The following KRTCAP3 variants were observed in gnomAD, a reference collection of about 807,000 sequenced individuals.
KRTCAP3 encodes the protein keratinocyte associated protein 3, also known as keratinocyte-associated protein 3.
A neutral mutation model predicts 20.5 loss-of-function variants in KRTCAP3; 18 were observed. That is an observed-to-expected ratio of 0.88 (90% CI 0.61 to 1.31). KRTCAP3 has a LOEUF of 1.31. KRTCAP3 is among the 50% of genes most tolerant of loss of function. The pLI, the probability that KRTCAP3 is intolerant of heterozygous loss-of-function variation, is 0.00. For missense variants in KRTCAP3, 347 were observed against 310.4 expected, an observed-to-expected ratio of 1.12 and a Z score of -0.89; for synonymous variants, 167 against 133.7, an observed-to-expected ratio of 1.25 and a Z score of -1.72.
At position 27,443,544 on chromosome 2, in the gene KRTCAP3, A is replaced by G. The variant is rs1339382029; in HGVS notation, c.615+12A>G. 2 of 1,613,792 alleles carry G rather than the reference A, an allele frequency of 1.2e-6. No individual in the cohort carries two copies. The highest frequency in any genetic ancestry group is 2.2e-5 in the East Asian group (1 of 44,880). ...GACTTCAGGGGCAGGTAAGGAAGGC[A>G]AACAGGAAGGGTTCATTCCACAGAG... On this transcript the variant is annotated intron_variant, in intron 5 of 6. Transcript: ENST00000288873.
chr2:27,445,622 T>C (rs1665006312), downstream of KRTCAP3: 8 of 1,358,882 alleles, frequency 5.9e-6, no homozygotes, highest in East Asian at 1.9e-4. This position sits in a 1 kb window ranked among gnomAD's most constrained non-coding sequence, Gnocchi z 4.4. Context: ...ATTTTGCTTC[T>C]ACTTTCACTG....
rs763168947 is a variant in KRTCAP3, at chr2:27,442,584, G to C, written c.34G>C (p.Ala12Pro). The C allele has an allele frequency of 1.3e-6, 2 of 1,527,088 alleles. No homozygotes were observed. Among genetic ancestry groups the C allele is most frequent in the African/African-American group, 2.8e-5 (2 of 72,304 alleles). 94.6% of individuals were successfully genotyped at this position (1,527,088 alleles called of 1,614,324 possible). A position where few individuals can be genotyped will look rare whatever the true frequency, so the allele number is the denominator to read the frequency against. The change falls in exon 2 of 7, where the codon GCC becomes CCC. Residue 12 changes from alanine (A) to proline (P), a missense_variant. Transcript: ENST00000288873. ...RRCSLCAFDA[A>P]RGPRRLMRVG... ...CCCTCCCCCGTGCTTTGCAGACGCCGCCCGGGGGCCCAGGCGGCTGATGCG... is the reference window on the plus strand; with the variant it reads ...CCCTCCCCCGTGCTTTGCAGACGCCCCCCGGGGGCCCAGGCGGCTGATGCG...
downstream of KRTCAP3, chr2:27,444,880 C>G: frequency 4.4e-6 from 4 of 916,562 alleles, no homozygotes; most frequent in Non-Finnish European, 6.5e-6. Context: ...AACTCCTGAC[C>G]TCAGGTGATC....
rs754798423 is a variant in KRTCAP3, at chr2:27,443,955, G to GAAAT, written c.623_626dup (p.Met209IlefsTer6). The GAAAT allele has an allele frequency of 7.6e-6, 12 of 1,580,720 alleles. 1 individual carries two copies. Among genetic ancestry groups the GAAAT allele is most frequent in the South Asian group, 1.1e-5 (1 of 90,440 alleles). Reference sequence around the variant, plus strand: ...ACTCTATCTTCTTCTGCAGCTAGAGGAAATGACAGAGCTTGAATCTCCTAA... The same window carrying GAAAT: ...ACTCTATCTTCTTCTGCAGCTAGAGGAAATAAATGACAGAGCTTGAATCTCCTAA... On this transcript the variant is annotated frameshift_variant, in exon 6 of 7. Coordinates refer to ENST00000288873, the MANE Select transcript of KRTCAP3 (RefSeq NM_173853.4). LOFTEE classifies it high-confidence loss of function.
At chr2:27,444,495 G>C, downstream of KRTCAP3, 1 of 1,613,624 alleles carries the variant, frequency 6.2e-7, no homozygotes, top group South Asian at 1.1e-5. Flanking sequence ...ATTTCAGCAC[G>C]TCCTGGCACA....
Position 27,442,657 on chromosome 2 carries a change from G to C in KRTCAP3, c.107G>C (p.Gly36Ala), listed in dbSNP as rs779840704. The change falls in exon 2 of 7, where the codon GGG becomes GCG. Residue 36 changes from glycine to alanine, a missense_variant. Transcript: ENST00000288873. The part of the protein sequence containing the change: ...ILVGHVNLLL[G>A]AVLHGTVLRH... Reference sequence around the variant, plus strand: ...GTGGGCCACGTGAACCTGCTGCTGGGGGCCGTGCTGCATGGCACCGTCCTG... The same window carrying C: ...GTGGGCCACGTGAACCTGCTGCTGGCGGCCGTGCTGCATGGCACCGTCCTG... 1.9e-6 allele frequency: 3 copies of C among 1,582,752 alleles called. No individual in the cohort carries two copies. Among genetic ancestry groups the C allele is most frequent in the Non-Finnish European group, 2.6e-6 (3 of 1,164,512 alleles).
At chr2:27,443,349 G>A (rs750192861) in intron 4 of KRTCAP3, 49 bp from the exon 5 acceptor site, 1 of 1,613,692 alleles carries the variant, frequency 6.2e-7, no homozygotes, top group South Asian at 1.1e-5. Context: ...TCCCCTATTT[G>A]CTGCACTTGC....
In KRTCAP3 at chr2:27,443,550, G is replaced by C. The variant is rs1664752400; in HGVS notation, c.615+18G>C. ...AGGGGCAGGTAAGGAAGGCAAACAG[G>C]AAGGGTTCATTCCACAGAGACTGGC... On this transcript the variant is annotated intron_variant, in intron 5 of 6. Transcript: ENST00000288873. 1 of 1,613,596 alleles carries C rather than the reference G, an allele frequency of 6.2e-7. No individual in the cohort carries two copies. Among genetic ancestry groups the C allele is most frequent in the African/African-American group, 1.3e-5 (1 of 74,910 alleles).
At chr2:27,444,668 G>A (rs986806380), downstream of KRTCAP3, 1 of 603,750 alleles carries the variant, frequency 1.7e-6, no homozygotes, top group East Asian at 2.8e-5. Flanking sequence ...TTTGTTTTGA[G>A]ACAAAGTCTT....
At chr2:27,445,410 CTG>C (rs764258735), downstream of KRTCAP3, 4 of 1,612,412 alleles carry the variant, frequency 2.5e-6, no homozygotes, top group Non-Finnish European at 3.4e-6. The surrounding 1 kb of genome is among the most constrained non-coding windows in gnomAD (Gnocchi z 4.4). Flanking sequence ...TCCATGGAGA[CTG>C]TAAGCACCCA....
downstream of KRTCAP3, chr2:27,445,153 G>A: frequency 6.2e-7 from 1 of 1,609,658 alleles, no homozygotes; most frequent in Non-Finnish European, 8.5e-7. The surrounding 1 kb of genome is among the most constrained non-coding windows in gnomAD (Gnocchi z 4.4). Flanking sequence ...AGAGATTGAG[G>A]AGGGAAAAAT....
At chr2:27,445,342 T>G (rs759639938), downstream of KRTCAP3, 1 of 1,613,288 alleles carries the variant, frequency 6.2e-7, no homozygotes, top group Non-Finnish European at 8.5e-7. This position sits in a 1 kb window ranked among gnomAD's most constrained non-coding sequence, Gnocchi z 4.4. Context: ...TCGCTGCCAC[T>G]AGGGAGGCCT....
chr2:27,446,466 T>C, downstream of KRTCAP3: 1 of 888,070 alleles, frequency 1.1e-6, no homozygotes, highest in Non-Finnish European at 1.8e-6. Flanking sequence ...ATTATTAAAC[T>C]GCTCTGGATT....
Position 27,442,705 on chromosome 2 carries a change from G to A in KRTCAP3, c.155G>A (p.Gly52Asp), listed in dbSNP as rs1664684880. 2 of 1,593,706 alleles carry A rather than the reference G, an allele frequency of 1.3e-6. No individual in the cohort carries two copies. The highest frequency in any genetic ancestry group is 1.7e-6 in the Non-Finnish European group (2 of 1,169,174). ...TVLRHVANPR[G>D]AVTPEYTVAN... The stretch of plus-strand genomic sequence containing the variant: ...CTGCGGCACGTGGCCAATCCCCGCG[G>A]CGCTGTCACGCCGGAGTACACCGTA... Residue 52 changes from glycine (G) to aspartate (D), a missense_variant, in exon 2 of 7, where the codon GGC becomes GAC. Physicochemically the swap from Gly to Asp is moderately conservative, Grantham distance 94. Coordinates refer to ENST00000288873, the MANE Select transcript of KRTCAP3 (RefSeq NM_173853.4).
At position 27,443,155 on chromosome 2, in the gene KRTCAP3, C is replaced by G; in HGVS notation, c.355C>G (p.Leu119Val). The change falls in exon 4 of 7, where the codon CTC becomes GTC. Residue 119 changes from leucine (L) to valine (V), a missense_variant. By Grantham distance (32) the Leu-to-Val change is conservative (BLOSUM62 1). Coordinates refer to ENST00000288873, the MANE Select transcript of KRTCAP3 (RefSeq NM_173853.4). ...CCTGGGCCTCCTTCTTGCTGTGTCA[C>G]TCACTGTGGCCAACGGTGGCCGCCG... is the stretch of plus-strand genomic sequence containing the variant. ...CSLGLLLAVS[L>V]TVANGGRRLI... is the part of the protein sequence containing the mutation. 1 of 1,614,172 alleles carries G rather than the reference C, an allele frequency of 6.2e-7. No homozygotes were observed. The highest frequency in any genetic ancestry group is 8.5e-7 in the Non-Finnish European group (1 of 1,180,022).
At chr2:27,445,462 A>G (rs1380803150), downstream of KRTCAP3, 2 of 1,606,644 alleles carry the variant, frequency 1.2e-6, no homozygotes, top group Non-Finnish European at 8.5e-7. This position sits in a 1 kb window ranked among gnomAD's most constrained non-coding sequence, Gnocchi z 4.4. Context: ...GGAAAGGACA[A>G]GAAGGGAGTG....
At chr2:27,445,001 C>A, downstream of KRTCAP3, 2 of 1,612,124 alleles carry the variant, frequency 1.2e-6, no homozygotes, top group South Asian at 1.1e-5. The surrounding 1 kb of genome is among the most constrained non-coding windows in gnomAD (Gnocchi z 4.4). Context: ...TTCTCCAAGT[C>A]CTCCTCTCTA....
In KRTCAP3 at chr2:27,444,260, A is replaced by G; in HGVS notation, c.*80A>G. ...CAAGGGGCCCTGACCTCGGGATGAG[A>G]TAACAAATTGTAATAAAGTAACTTC... On this transcript the variant is annotated 3_prime_UTR_variant, in exon 7 of 7. Coordinates refer to ENST00000288873, the MANE Select transcript of KRTCAP3 (RefSeq NM_173853.4). The G allele has an allele frequency of 1.5e-6, 1 of 647,260 alleles. No individual in the cohort carries two copies. The highest frequency in any genetic ancestry group is 2.7e-6 in the Non-Finnish European group (1 of 367,570). 40.1% of individuals were successfully genotyped at this position (647,260 alleles called of 1,614,324 possible).
Position 27,442,690 on chromosome 2 carries a change from T to C in KRTCAP3, c.140T>C (p.Val47Ala), listed in dbSNP as rs1020241017. 2.5e-6 allele frequency: 4 copies of C among 1,588,052 alleles called. No homozygotes were observed. The highest frequency in any genetic ancestry group is 3.4e-6 in the Non-Finnish European group (4 of 1,166,458). Residue 47 changes from valine to alanine, a missense_variant, in exon 2 of 7, where the codon GTG becomes GCG. Physicochemically the swap from Val to Ala is moderately conservative, Grantham distance 64. Transcript: ENST00000288873. ...AVLHGTVLRH[V>A]ANPRGAVTPE... ...CTGCATGGCACCGTCCTGCGGCACG[T>C]GGCCAATCCCCGCGGCGCTGTCACG... is the stretch of plus-strand genomic sequence containing the variant.
Sources: gnomAD v4.1 joint callset for allele counts on GRCh38, gnomAD v4.1.1 for gene constraint, Gnocchi (gnomAD v3.1) non-coding constraint, MANE v1.5 for transcripts, NCBI Gene and HGNC (gene_info 2026-07-23, HGNC 2026-07-21) for gene names.